The following NAA80 variants were observed in gnomAD, a reference collection of about 807,000 sequenced individuals.
NAA80 encodes the protein N-alpha-acetyltransferase 80.
In NAA80, 5 loss-of-function variants were observed where a neutral mutation model predicts 8.7. That is an observed-to-expected ratio of 0.58 (90% CI 0.30 to 1.21). The LOEUF (loss-of-function observed/expected upper bound fraction) is 1.21, where lower values mean the gene tolerates loss of function less well. Among genes scored for constraint, NAA80 ranks in the 50% most tolerant of loss-of-function variants. NAA80 has a pLI of 0.07. For synonymous variants in NAA80, 149 were observed against 156.6 expected, an observed-to-expected ratio of 0.95 and a Z score of 0.36; for missense variants, 360 against 368.6, an observed-to-expected ratio of 0.98 and a Z score of 0.19.
intron 1 of NAA80, among the ~76,000 whole-genome samples, chr3:50,298,399 C>T (rs1464581411): frequency 2.0e-5 from 3 of 152,048 alleles, no homozygotes; most frequent in Non-Finnish European, 4.4e-5. Flanking sequence ...CAACTGTCTC[C>T]TCAGATGGGG....
In NAA80 at chr3:50,297,358, G is replaced by A. The variant is rs371728332; in HGVS notation, c.106C>T (p.Pro36Ser). 6.2e-7 allele frequency: 1 copy of A among 1,612,832 alleles called. No individual in the cohort carries two copies. Among genetic ancestry groups the A allele is most frequent in the Non-Finnish European group, 8.5e-7 (1 of 1,179,344 alleles). ...STCQPEMTFN[P>S]GPTELTLDPE... is the part of the protein sequence containing the mutation. ...TCCAGGGTAAGCTCAGTTGGACCAGGATTGAAGGTCATCTCTGGTTGGCAT... is the reference window on the plus strand; with the variant it reads ...TCCAGGGTAAGCTCAGTTGGACCAGAATTGAAGGTCATCTCTGGTTGGCAT... The change falls in exon 2 of 2, where the codon CCT (proline) becomes TCT (serine). Residue 36 changes from proline to serine, a missense_variant. Transcript: ENST00000443094. This position sits in a 1 kb window ranked among gnomAD's most constrained non-coding sequence, Gnocchi z 4.3.
At chr3:50,298,970 T>C (rs1437314042) in intron 1 of NAA80, 3 of 1,446,190 alleles carry the variant, frequency 2.1e-6, no homozygotes, top group East Asian at 2.6e-5. Context: ...TCCGGGGTCC[T>C]CAGAGAGTGG....
chr3:50,297,400 G>A lies in NAA80; in HGVS notation c.64C>T (p.Leu22=), dbSNP rs782453794. 1 of 1,613,480 alleles carries A rather than the reference G, an allele frequency of 6.2e-7. No homozygotes were observed. The highest frequency in any genetic ancestry group is 8.5e-7 in the Non-Finnish European group (1 of 1,179,718). The change falls in exon 2 of 2, where the codon CTG becomes TTG. Residue 22 remains leucine (L), a synonymous_variant. Transcript: ENST00000443094. This position sits in a 1 kb window ranked among gnomAD's most constrained non-coding sequence, Gnocchi z 4.3. ...LTLDPACQPK[L]PLDSTCQPEM... ...GGTTGGCATGTGGAATCCAGGGGCA[G>A]CTTTGGCTGGCACGCAGGATCCAGA...
At position 50,297,445 on chromosome 3, in the gene NAA80, T is replaced by C. The variant is rs781951279; in HGVS notation, c.19A>G (p.Thr7Ala). The C allele has an allele frequency of 1.2e-5, 20 of 1,609,078 alleles. No homozygotes were observed. The highest frequency in any genetic ancestry group is 1.7e-5 in the Non-Finnish European group (20 of 1,177,312). Reference protein sequence around the residue: MELILSTSPAELTLDPA... With the variant: MELILSASPAELTLDPA... ...TCCAGAGTCAGCTCAGCTGGGCTGG[T>C]ACTCAGGATCAGCTCCATCCGGTGT... The change falls in exon 2 of 2, where the codon ACC becomes GCC. Residue 7 changes from threonine (T) to alanine (A), a missense_variant. Coordinates refer to ENST00000443094, the MANE Select transcript of NAA80 (RefSeq NM_001200016.2). This position sits in a 1 kb window ranked among gnomAD's most constrained non-coding sequence, Gnocchi z 4.3.
rs1189241842 is a variant in NAA80, at chr3:50,297,744, T to A, written c.-209-72A>T. 1.5e-6 allele frequency: 2 copies of A among 1,320,348 alleles called. No homozygotes were observed. The highest frequency in any genetic ancestry group is 9.6e-7 in the Non-Finnish European group (1 of 1,038,668). The allele number at this position is 1,320,348 out of a possible 1,614,324, so 81.8% of individuals were successfully genotyped here. On this transcript the variant is annotated intron_variant, in intron 1 of 1. Transcript: ENST00000443094. The surrounding 1 kb of genome is among the most constrained non-coding windows in gnomAD (Gnocchi z 4.3). Reference sequence around the variant, plus strand: ...TTGGAGCAGGGAAGGGCTGACAGAGTGCAGGGGGGACCATGCATACTGGAA... The same window carrying A: ...TTGGAGCAGGGAAGGGCTGACAGAGAGCAGGGGGGACCATGCATACTGGAA...
rs1702020937 is a variant in NAA80, at chr3:50,299,341, C to A, written c.-338G>T. On this transcript the variant is annotated 5_prime_UTR_variant, in exon 1 of 2. Coordinates refer to ENST00000443094, the MANE Select transcript of NAA80 (RefSeq NM_001200016.2). ...CAGCGGTGCGGCGGATGTTCTGCAGCCGTCGCGTCCTGCGGCACGCCACGG... is the reference window on the plus strand; with the variant it reads ...CAGCGGTGCGGCGGATGTTCTGCAGACGTCGCGTCCTGCGGCACGCCACGG... The A allele has an allele frequency of 6.3e-7, 1 of 1,576,710 alleles. No individual in the cohort carries two copies. Among genetic ancestry groups the A allele is most frequent in the African/African-American group, 1.3e-5 (1 of 74,074 alleles).
rs1701844876 is a variant in NAA80, at chr3:50,296,515, G to A, written c.*88C>T. On this transcript the variant is annotated 3_prime_UTR_variant, in exon 2 of 2. Transcript: ENST00000443094. ...GTTAAAGCTGCCCCCCAGGGGCTAG[G>A]GGCTGAGGTATGGTCAGTGGGCTGA... is the stretch of plus-strand genomic sequence containing the variant. 5 of 1,472,180 alleles carry A rather than the reference G, an allele frequency of 3.4e-6. No individual in the cohort carries two copies. Among genetic ancestry groups the A allele is most frequent in the Admixed American group, 2.0e-5 (1 of 50,036 alleles). 91.2% of individuals were successfully genotyped at this position (1,472,180 alleles called of 1,614,324 possible).
chr3:50,299,156 G>A, intron 1 of NAA80, 57 bp downstream of exon 1: 1 of 1,613,904 alleles, frequency 6.2e-7, no homozygotes, highest in Middle Eastern at 1.7e-4. Flanking sequence ...GGCCACTTGG[G>A]GACCGCACGC....
rs200704593 is a variant in NAA80, at chr3:50,297,307, G to A, written c.157C>T (p.Pro53Ser). 3.1e-6 allele frequency: 5 copies of A among 1,604,990 alleles called. No individual in the cohort carries two copies. In the South Asian group the frequency reaches 3.3e-5, roughly 11 times the overall value. The part of the protein sequence containing the change: ...LDPEHQPEET[P>S]APSLAELTLE... ...GTCAACTCAGCCAGGCTAGGAGCTGGGGTCTCCTCTGGCTGGTGTTCAGGA... is the reference window on the plus strand; with the variant it reads ...GTCAACTCAGCCAGGCTAGGAGCTGAGGTCTCCTCTGGCTGGTGTTCAGGA... Residue 53 changes from proline (P) to serine (S), a missense_variant, in exon 2 of 2, where the codon CCA becomes TCA. Physicochemically the swap from Pro to Ser is moderately conservative, Grantham distance 74. Coordinates refer to ENST00000443094, the MANE Select transcript of NAA80 (RefSeq NM_001200016.2). This position sits in a 1 kb window ranked among gnomAD's most constrained non-coding sequence, Gnocchi z 4.3.
chr3:50,298,705 G>A lies in NAA80; in HGVS notation c.-210+508C>T, dbSNP rs587678513. 73 of 974,434 alleles carry A rather than the reference G, an allele frequency of 7.5e-5. 1 individual carries two copies. The African/African-American group carries it at 1.1e-3, about 15-fold the overall frequency. The allele number at this position is 974,434 out of a possible 1,614,324, so 60.4% of individuals were successfully genotyped here. On this transcript the variant is annotated intron_variant, in intron 1 of 1. Coordinates refer to ENST00000443094, the MANE Select transcript of NAA80 (RefSeq NM_001200016.2). Reference sequence around the variant, plus strand: ...TCCTTCTACTCACCTGCTCCAGAGGGGGCCTCCTGGCTCCCCTTACCTCTC... The same window carrying A: ...TCCTTCTACTCACCTGCTCCAGAGGAGGCCTCCTGGCTCCCCTTACCTCTC...
At position 50,297,012 on chromosome 3, in the gene NAA80, C is replaced by T; in HGVS notation, c.452G>A (p.Gly151Asp). 6.4e-7 allele frequency: 1 copy of T among 1,550,810 alleles called. No homozygotes were observed. Among genetic ancestry groups the T allele is most frequent in the African/African-American group, 1.4e-5 (1 of 72,810 alleles). The change falls in exon 2 of 2, where the codon GGC becomes GAC. Residue 151 changes from glycine to aspartate, a missense_variant. Gly to Asp is a moderately conservative substitution (Grantham distance 94). Transcript: ENST00000443094. This position sits in a 1 kb window ranked among gnomAD's most constrained non-coding sequence, Gnocchi z 4.3. ...VVVARALRGR[G>D]FGRRLMEGLE... is the part of the protein sequence containing the mutation. The stretch of plus-strand genomic sequence containing the variant: ...GCCCTCCATGAGGCGGCGGCCAAAG[C>T]CACGGCCCCTCAGGGCCCGGGCCAC...
chr3:50,298,935 C>T, intron 1 of NAA80: 1 of 1,406,702 alleles, frequency 7.1e-7, no homozygotes, highest in Non-Finnish European at 9.3e-7. Context: ...CCTTCAGTGC[C>T]GACCCCACCC....
In NAA80 at chr3:50,297,905, G is replaced by A; in HGVS notation, c.-209-233C>T. 1.0e-6 allele frequency: 1 copy of A among 1,000,552 alleles called. No homozygotes were observed. Among genetic ancestry groups the A allele is most frequent in the South Asian group, 4.6e-5 (1 of 21,742 alleles). The allele number at this position is 1,000,552 out of a possible 1,614,324, so 62.0% of individuals were successfully genotyped here. On this transcript the variant is annotated intron_variant, in intron 1 of 1. Transcript: ENST00000443094. This position sits in a 1 kb window ranked among gnomAD's most constrained non-coding sequence, Gnocchi z 4.3. ...CATTGGAGGGAGGCTGGGAGTGATG[G>A]ATGAGCTGCTTAAGGCTGGGGCAGA...
At position 50,297,256 on chromosome 3, in the gene NAA80, C is replaced by T. The variant is rs1196909263; in HGVS notation, c.208G>A (p.Glu70Lys). Residue 70 changes from glutamate (E) to lysine (K), a missense_variant, in exon 2 of 2, where the codon GAG (glutamate) becomes AAG (lysine). Transcript: ENST00000443094. This position sits in a 1 kb window ranked among gnomAD's most constrained non-coding sequence, Gnocchi z 4.3. ...LTLEPVHRRP[E>K]LLDACADLIN... ...AGGTCAGCACAAGCATCCAGGAGCT[C>T]GGGTCGGCGGTGCACAGGCTCCAGG... 14 of 1,609,956 alleles carry T rather than the reference C, an allele frequency of 8.7e-6. No homozygotes were observed. The highest frequency in any genetic ancestry group is 2.7e-5 in the African/African-American group (2 of 74,822).
Position 50,297,091 on chromosome 3 carries a change from G to T in NAA80, c.373C>A (p.Arg125Ser). ...GGCTGGTTCAGCACCCGTGACAGGCGGGCATGGCCCACCACAACGGGTGCT... is the reference window on the plus strand; with the variant it reads ...GGCTGGTTCAGCACCCGTGACAGGCTGGCATGGCCCACCACAACGGGTGCT... The part of the protein sequence containing the change: ...EAAPVVVGHA[R>S]LSRVLNQPQS... The change falls in exon 2 of 2, where the codon CGC (arginine) becomes AGC (serine). Residue 125 changes from arginine (R) to serine (S), a missense_variant. Physicochemically the swap from Arg to Ser is moderately radical, Grantham distance 110. Transcript: ENST00000443094. This position sits in a 1 kb window ranked among gnomAD's most constrained non-coding sequence, Gnocchi z 4.3. 1 of 1,544,246 alleles carries T rather than the reference G, an allele frequency of 6.5e-7. No individual in the cohort carries two copies. Among genetic ancestry groups the T allele is most frequent in the South Asian group, 1.2e-5 (1 of 80,500 alleles).
Position 50,296,684 on chromosome 3 carries a change from C to G in NAA80, c.780G>C (p.Gly260=), listed in dbSNP as rs1553711212. The G allele has an allele frequency of 6.2e-7, 1 of 1,613,650 alleles. No individual in the cohort carries two copies. Reference sequence around the variant, plus strand: ...TCTCCAGCAGGCTTTTTGAAGGGGGCCCTGATGGAACTGGGGGTGAGATGG... The same window carrying G: ...TCTCCAGCAGGCTTTTTGAAGGGGGGCCTGATGGAACTGGGGGTGAGATGG... The part of the protein sequence containing the change: ...CLTISPPVPS[G]PPSKSLLETQ... Residue 260 remains glycine, a synonymous_variant, in exon 2 of 2, where the codon GGG becomes GGC. Coordinates refer to ENST00000443094, the MANE Select transcript of NAA80 (RefSeq NM_001200016.2).
rs782574310 is a variant in NAA80, at chr3:50,299,194, G to C, written c.-210+19C>G. The C allele has an allele frequency of 6.2e-7, 1 of 1,614,202 alleles. No individual in the cohort carries two copies. Among genetic ancestry groups the C allele is most frequent in the East Asian group, 2.2e-5 (1 of 44,882 alleles). On this transcript the variant is annotated intron_variant, in intron 1 of 1. Transcript: ENST00000443094. ...GGGGTGGACCTACAGGCAGCAAATG[G>C]GAAGGGTGCGGTACTGACATGTTGA...
chr3:50,296,932 C>T lies in NAA80; in HGVS notation c.532G>A (p.Asp178Asn), dbSNP rs376181406. The T allele has an allele frequency of 7.8e-5, 126 of 1,608,992 alleles. No individual in the cohort carries two copies. The highest frequency in any genetic ancestry group is 1.0e-4 in the Non-Finnish European group (121 of 1,178,588). ...GFRKLHLTTH[D>N]QVHFYTHLGY... ...AGGTGGGTATAGAAGTGCACCTGGT[C>T]ATGGGTGGTGAGATGCAGCTTGCGG... Residue 178 changes from aspartate (D) to asparagine (N), a missense_variant, in exon 2 of 2, where the codon GAC becomes AAC. Coordinates refer to ENST00000443094, the MANE Select transcript of NAA80 (RefSeq NM_001200016.2).
At position 50,299,268 on chromosome 3, in the gene NAA80, C is replaced by T; in HGVS notation, c.-265G>A. 2 of 1,613,820 alleles carry T rather than the reference C, an allele frequency of 1.2e-6. No individual in the cohort carries two copies. Among genetic ancestry groups the T allele is most frequent in the Non-Finnish European group, 1.7e-6 (2 of 1,179,990 alleles). On this transcript the variant is annotated 5_prime_UTR_variant, in exon 1 of 2. Coordinates refer to ENST00000443094, the MANE Select transcript of NAA80 (RefSeq NM_001200016.2). ...GTCCTAGCTCCGCACAGCTGGGTAT[C>T]TCACTCAGTCGCCACCTCGGACTCC...
Sources: gnomAD v4.1 joint callset for allele counts (sites outside exome capture counted in the v4.1 genomes callset) on GRCh38, gnomAD v4.1.1 for gene constraint, Gnocchi (gnomAD v3.1) non-coding constraint, MANE v1.5 for transcripts, NCBI Gene and HGNC (gene_info 2026-07-23, HGNC 2026-07-21) for gene names.